Variants in PAMR1 observed in about 807,000 individuals in gnomAD.
PAMR1 encodes inactive serine protease PAMR1.
A neutral mutation model predicts 81.8 loss-of-function variants in PAMR1; 88 were observed. That is an observed-to-expected ratio of 1.08 (90% CI 0.91 to 1.28). PAMR1 has a LOEUF of 1.28. PAMR1 is among the 50% of genes most tolerant of loss of function. The pLI is 0.00. For missense variants in PAMR1, 935 were observed against 919.7 expected (o/e 1.02, Z -0.21); for synonymous variants, 336 against 345.3 (o/e 0.97, Z 0.30).
At chr11:35,447,088 C>T (rs7111380) in intron 6 of PAMR1, among the ~76,000 whole-genome samples, 42,694 of 151,914 alleles carry the variant, frequency 0.28, 6,087 homozygotes, top group Admixed American at 0.34. Flanking sequence ...TTATATAATG[C>T]CCTTCTTTAT....
rs1330627001 is a variant in PAMR1, at chr11:35,434,536, A to T, written c.1602T>A (p.Asp534Glu). The T allele has an allele frequency of 5.6e-6, 9 of 1,613,812 alleles. No individual in the cohort carries two copies. The highest frequency in any genetic ancestry group is 1.7e-5 in the Admixed American group (1 of 59,982). Residue 534 changes from aspartate (D) to glutamate (E), a missense_variant, in exon 10 of 11, where the codon GAT becomes GAA. By Grantham distance (45) the Asp-to-Glu change is conservative. Transcript: ENST00000619888. ...CCTGTAGGCTCTGGATGGTCTTCTC[A>T]TCCCGGTCATCATCCCGGTAGAATT... is the stretch of plus-strand genomic sequence containing the variant. ...LGKFYRDDDR[D>E]EKTIQSLQIS...
At chr11:35,436,443 C>T (rs924223367) in intron 8 of PAMR1, among the ~76,000 whole-genome samples, 1 of 152,042 alleles carries the variant, frequency 6.6e-6, no homozygotes, top group Non-Finnish European at 1.5e-5. Flanking sequence ...CAACACCACG[C>T]CCAGCTAATT....
chr11:35,530,093 G>A (rs1240131016), upstream of PAMR1: 10 of 152,208 alleles, frequency 6.6e-5, no homozygotes, highest in Non-Finnish European at 1.3e-4. Flanking sequence ...GAGGAAACAG[G>A]CCAGAGGTAG....
chr11:35,435,824 A>G, intron 9 of PAMR1, 79 bp downstream of exon 9: 1 of 1,081,124 alleles, frequency 9.2e-7, no homozygotes, highest in Non-Finnish European at 1.4e-6. Flanking sequence ...TGCTCTCCCA[A>G]AAAGTAGGGT....
intron 6 of PAMR1, among the ~76,000 whole-genome samples, chr11:35,457,662 G>C (rs1021053984): frequency 1.5e-4 from 23 of 152,188 alleles, no homozygotes; most frequent in African/African-American, 5.3e-4. Flanking sequence ...ACAAGGCTTT[G>C]AGTGCAAGTA....
rs570966558 is a variant in PAMR1, at chr11:35,499,878, T to G, written c.74-5606A>C. On this transcript the variant is annotated intron_variant, in intron 1 of 10. Coordinates refer to ENST00000619888, the MANE Select transcript of PAMR1 (RefSeq NM_001001991.3). ...TAAGAATTTTGAGATGAGAGGCATA[T>G]GCTGTAATATCCAGGTGGAACCAAT... Among the ~76,000 whole-genome samples the G allele has an allele frequency of 3.2e-4, 49 of 152,326 alleles. 1 individual carries two copies. The highest frequency in any genetic ancestry group is 6.8e-3 in the Middle Eastern group (2 of 294).
chr11:35,491,404 T>C (rs907584845), intron 3 of PAMR1, among the ~76,000 whole-genome samples: 17 of 152,176 alleles, frequency 1.1e-4, no homozygotes, highest in African/African-American at 3.9e-4. Context: ...TGGAATAAGT[T>C]AGTGAAATAA....
intron 6 of PAMR1, among the ~76,000 whole-genome samples, chr11:35,452,936 T>C (rs992325500): frequency 6.6e-6 from 1 of 152,218 alleles, no homozygotes; most frequent in Non-Finnish European, 1.5e-5. Context: ...CAGATAGATA[T>C]GGGTTCAGAT....
At chr11:35,454,333 C>T (rs1167980348) in intron 6 of PAMR1, among the ~76,000 whole-genome samples, 1 of 152,122 alleles carries the variant, frequency 6.6e-6, no homozygotes, top group East Asian at 1.9e-4. Flanking sequence ...CCCCCTAGGC[C>T]CACCCCAGGG....
intron 1 of PAMR1, among the ~76,000 whole-genome samples, chr11:35,522,173 T>C (rs528783670): frequency 4.9e-4 from 75 of 152,274 alleles, no homozygotes; most frequent in African/African-American, 9.6e-4. Flanking sequence ...CTGCCCGCCC[T>C]GGCCTCCCAA....
chr11:35,530,145 T>C (rs1851441093), upstream of PAMR1: 1 of 152,160 alleles, frequency 6.6e-6, no homozygotes. Flanking sequence ...AGACTTCTGG[T>C]AATTAAGTTT....
At chr11:35,508,555 G>T (rs1356143147) in intron 1 of PAMR1, among the ~76,000 whole-genome samples, 3 of 118,628 alleles carry the variant, frequency 2.5e-5, no homozygotes, top group South Asian at 2.6e-4. Flanking sequence ...TTTACTTCAG[G>T]TTCAGGGGTA....
upstream of PAMR1, among the ~76,000 whole-genome samples, chr11:35,527,645 G>A (rs1851414050): frequency 6.6e-6 from 1 of 152,194 alleles, no homozygotes. Flanking sequence ...GTGGGAAGAA[G>A]ATGACTTAGT....
At chr11:35,471,443 T>A (rs993860551) in intron 4 of PAMR1, among the ~76,000 whole-genome samples, 1 of 152,172 alleles carries the variant, frequency 6.6e-6, no homozygotes, top group African/African-American at 2.4e-5. Flanking sequence ...TTTATTGTAA[T>A]TTTATAGTTG....
intron 1 of PAMR1, among the ~76,000 whole-genome samples, chr11:35,516,128 T>C (rs549871159): frequency 3.0e-4 from 45 of 152,280 alleles, no homozygotes; most frequent in African/African-American, 1.0e-3. Context: ...ACCTATGATA[T>C]AGACACAATT....
At chr11:35,446,200 G>A (rs1360993702) in intron 6 of PAMR1, among the ~76,000 whole-genome samples, 1 of 151,988 alleles carries the variant, frequency 6.6e-6, no homozygotes, top group African/African-American at 2.4e-5. Flanking sequence ...TTTATATTGT[G>A]TCTATTTGAT....
chr11:35,458,116 C>A (rs1421701009), intron 6 of PAMR1, among the ~76,000 whole-genome samples: 1 of 152,108 alleles, frequency 6.6e-6, no homozygotes, highest in African/African-American at 2.4e-5. Context: ...GAATGATCTA[C>A]TTTTTAGAAA....
intron 3 of PAMR1, among the ~76,000 whole-genome samples, chr11:35,489,384 T>G (rs1192734270): frequency 6.6e-6 from 1 of 152,202 alleles, no homozygotes; most frequent in East Asian, 1.9e-4. Context: ...TCAGTGAGTC[T>G]TGAGTCCTGT....
chr11:35,466,936 T>C (rs1026123499), intron 6 of PAMR1, among the ~76,000 whole-genome samples: 5 of 151,934 alleles, frequency 3.3e-5, no homozygotes, highest in Admixed American at 6.6e-5. Context: ...CCCCATCCTA[T>C]GGTATTTTAC....
Sources: allele counts gnomAD v4.1 joint callset (sites outside exome capture counted in the v4.1 genomes callset), GRCh38; gene constraint gnomAD v4.1.1; transcripts MANE v1.5; gene names NCBI Gene and HGNC (gene_info 2026-07-23, HGNC 2026-07-21).